Variants in BCR observed in about 807,000 individuals in gnomAD.
BCR encodes the protein BCR activator of RhoGEF and GTPase.
BCR carries 58 observed loss-of-function variants against 138.6 expected under a neutral mutation model. That is an observed-to-expected ratio of 0.42 (90% CI 0.34 to 0.52). The LOEUF is 0.52. Among genes scored for constraint, BCR ranks in the 20% least tolerant of loss-of-function variants. BCR has a pLI of 0.06. For missense variants in BCR, 1,599 were observed against 1,727.2 expected (o/e 0.93, Z 1.32); for synonymous variants, 786 against 730.1 (o/e 1.08, Z -1.23).
At chr22:23,192,866 G>A (rs1601998643) in intron 1 of BCR, among the ~76,000 whole-genome samples, 1 of 152,202 alleles carries the variant, frequency 6.6e-6, no homozygotes, top group South Asian at 2.1e-4. Context: ...GTAGCCGGCT[G>A]TGTGTGCACA....
rs146436408 is a variant in BCR, at chr22:23,295,688, C to T, written c.3012+533C>T. ...CTAATCTGGAAGCCCCCAGGTGAGACCGAGAATGTGTCCATACAGGACCAG... is the reference window on the plus strand; with the variant it reads ...CTAATCTGGAAGCCCCCAGGTGAGATCGAGAATGTGTCCATACAGGACCAG... On this transcript the variant is annotated intron_variant, in intron 16 of 22. Transcript: ENST00000305877. Among the ~76,000 whole-genome samples, 329 of 152,238 alleles carry T rather than the reference C, an allele frequency of 2.2e-3. 3 individuals are homozygous for T. Among genetic ancestry groups the T allele is most frequent in the African/African-American group, 7.5e-3 (313 of 41,544 alleles).
chr22:23,251,309 A>G (rs2073225916), intron 1 of BCR: 1 of 152,266 alleles, frequency 6.6e-6, no homozygotes, highest in South Asian at 2.1e-4. Context: ...GCTGCCAGCT[A>G]GATTCCCCCA....
At chr22:23,237,310 G>T (rs964120891) in intron 1 of BCR, among the ~76,000 whole-genome samples, 8 of 152,202 alleles carry the variant, frequency 5.3e-5, no homozygotes, top group Admixed American at 1.3e-4. Flanking sequence ...CAGGCTGGGC[G>T]TGTGAATCTC....
rs115359031 is a variant in BCR, at chr22:23,199,118, G to A, written c.1279+16879G>A. On this transcript the variant is annotated intron_variant, in intron 1 of 22. Transcript: ENST00000305877. ...GCCAAGGCGACAAGAACGAAACTCCGTCTCAAAAAAAAAAAAAAGAATTTG... is the reference window on the plus strand; with the variant it reads ...GCCAAGGCGACAAGAACGAAACTCCATCTCAAAAAAAAAAAAAAGAATTTG... 2.5e-3 allele frequency: 768 copies of A among 312,234 alleles called. 6 individuals carry two copies. Among genetic ancestry groups the A allele is most frequent in the African/African-American group, 0.016 (708 of 43,760 alleles). 19.3% of individuals were successfully genotyped at this position (312,234 alleles called of 1,614,324 possible). A position where few individuals can be genotyped will look rare whatever the true frequency, so the allele number is the denominator to read the frequency against.
At chr22:23,242,747 G>A in intron 1 of BCR, 1 of 402,392 alleles carries the variant, frequency 2.5e-6, no homozygotes. Context: ...ATGTCTTAGT[G>A]TCCTGTGGCT....
chr22:23,317,991 A>G lies in BCR; in HGVS notation c.*2469A>G, dbSNP rs1382768779. 1 of 157,894 alleles carries G rather than the reference A, an allele frequency of 6.3e-6. No individual in the cohort carries two copies. The highest frequency in any genetic ancestry group is 1.4e-5 in the Non-Finnish European group (1 of 73,452). 9.8% of individuals were successfully genotyped at this position (157,894 alleles called of 1,614,324 possible). On this transcript the variant is annotated 3_prime_UTR_variant, in exon 23 of 23. Transcript: ENST00000305877. ...AGCTGCAATCTGAGCTCAGCCACCT[A>G]CACACCACCGTGGCCGACACTTTCA... is the stretch of plus-strand genomic sequence containing the variant.
chr22:23,215,475 TAGAA>T (rs1167413972), intron 1 of BCR, among the ~76,000 whole-genome samples: 1 of 152,234 alleles, frequency 6.6e-6, no homozygotes, highest in Non-Finnish European at 1.5e-5. Context: ...CGGGAATTCT[TAGAA>T]AGGAGGGTTT....
chr22:23,193,200 G>T (rs953021841), intron 1 of BCR, among the ~76,000 whole-genome samples: 1 of 152,248 alleles, frequency 6.6e-6, no homozygotes, highest in Non-Finnish European at 1.5e-5. Context: ...TGCACATGAC[G>T]AGGTATTGAT....
intron 16 of BCR, among the ~76,000 whole-genome samples, chr22:23,305,352 T>A (rs569374383): frequency 6.6e-6 from 1 of 152,314 alleles, no homozygotes; most frequent in South Asian, 2.1e-4. Context: ...GAAGCTGTTG[T>A]CTACAAGGAG....
chr22:23,184,351 G>C (rs906164880), intron 1 of BCR, among the ~76,000 whole-genome samples: 1 of 151,952 alleles, frequency 6.6e-6, no homozygotes, highest in East Asian at 1.9e-4. Flanking sequence ...TCAGCCTCCT[G>C]AGTAGCTGGG....
chr22:23,223,100 C>T (rs1401480597), intron 1 of BCR, among the ~76,000 whole-genome samples: 1 of 152,210 alleles, frequency 6.6e-6, no homozygotes, highest in Non-Finnish European at 1.5e-5. Flanking sequence ...CTTACGACCT[C>T]ATCACCTCCC....
At chr22:23,283,235 C>T (rs1042172028) in intron 8 of BCR, 1 of 152,332 alleles carries the variant, frequency 6.6e-6, no homozygotes, top group Non-Finnish European at 1.5e-5. Flanking sequence ...TGCAGAAAGG[C>T]ACCCTTCTCA....
At chr22:23,288,871 A>C (rs1047948414) in intron 12 of BCR, among the ~76,000 whole-genome samples, 4 of 151,988 alleles carry the variant, frequency 2.6e-5, no homozygotes, top group Admixed American at 2.0e-4. Context: ...TTTGGGATTC[A>C]CCCTGAGCTG....
chr22:23,244,120 A>G (rs1352968562), intron 1 of BCR, among the ~76,000 whole-genome samples: 2 of 152,164 alleles, frequency 1.3e-5, no homozygotes, highest in Non-Finnish European at 2.9e-5. Flanking sequence ...CCACATACTT[A>G]CTGGCAGAAT....
chr22:23,217,178 G>T, intron 1 of BCR: 1 of 261,182 alleles, frequency 3.8e-6, no homozygotes, highest in Non-Finnish European at 8.1e-6. Context: ...GAGGAGGTGA[G>T]GTTGTGGATG....
intron 1 of BCR, among the ~76,000 whole-genome samples, chr22:23,248,015 T>C (rs1333842698): frequency 3.9e-5 from 6 of 152,182 alleles, no homozygotes; most frequent in Non-Finnish European, 8.8e-5. Context: ...GTGATGAATA[T>C]GGGTGTGCAA....
At chr22:23,196,852 C>T (rs9624053) in intron 1 of BCR, among the ~76,000 whole-genome samples, 5,701 of 152,266 alleles carry the variant, frequency 0.037, 391 homozygotes, top group African/African-American at 0.13. Context: ...CGTCACTCTC[C>T]GCCTACCGCT....
At chr22:23,186,150 G>A (rs1037306748) in intron 1 of BCR, among the ~76,000 whole-genome samples, 7 of 152,218 alleles carry the variant, frequency 4.6e-5, no homozygotes, top group Non-Finnish European at 8.8e-5. Flanking sequence ...GGACTGAAGA[G>A]GACTTGATCA....
At chr22:23,285,943 G>T (rs534410012) in intron 10 of BCR, among the ~76,000 whole-genome samples, 1 of 152,360 alleles carries the variant, frequency 6.6e-6, no homozygotes, top group African/African-American at 2.4e-5. Context: ...CCGGGCGGGA[G>T]AGAGGCTTCC....
Sources: allele counts gnomAD v4.1 joint callset (sites outside exome capture counted in the v4.1 genomes callset), GRCh38; gene constraint gnomAD v4.1.1; transcripts MANE v1.5; gene names NCBI Gene and HGNC (gene_info 2026-07-23, HGNC 2026-07-21).